CNBD1: variants seen among roughly 807,000 people sequenced by gnomAD.
CNBD1 encodes cyclic nucleotide binding domain containing 1.
CNBD1 carries 71 observed loss-of-function variants against 54.4 expected under a neutral mutation model. The observed-to-expected ratio is 1.30, with a 90% CI of 1.08 to 1.59. The LOEUF is 1.59. Ranked by LOEUF, CNBD1 falls within the 40% of genes most tolerant of loss-of-function variation. The pLI is 0.00. For synonymous variants in CNBD1, 182 were observed against 170.7 expected, an observed-to-expected ratio of 1.07 and a Z score of -0.51; for missense variants, 659 against 518.0, an observed-to-expected ratio of 1.27 and a Z score of -2.64.
intron 4 of CNBD1, among the ~76,000 whole-genome samples, chr8:87,123,627 C>T (rs995627029): frequency 6.6e-6 from 1 of 151,486 alleles, no homozygotes; most frequent in Middle Eastern, 3.4e-3. Flanking sequence ...GATGAAAAAA[C>T]CAAGTCCATA....
At chr8:87,140,151 C>G (rs890105439) in intron 4 of CNBD1, among the ~76,000 whole-genome samples, 5 of 152,042 alleles carry the variant, frequency 3.3e-5, no homozygotes, top group African/African-American at 9.7e-5. Flanking sequence ...CATTTATTGC[C>G]AACAACATGT....
chr8:87,163,933 G>A lies in CNBD1; in HGVS notation c.432-42060G>A, dbSNP rs959999528. ...TGAGTCTAAAGTTAGAGGTGGTCCT[G>A]TGATATATGGTCTTTATTGTATTGA... On this transcript the variant is annotated intron_variant, in intron 4 of 10. Transcript: ENST00000518476. The surrounding 1 kb of genome is among the most constrained non-coding windows in gnomAD (Gnocchi z 4.5). 4.0e-5 allele frequency among the ~76,000 whole-genome samples: 6 copies of A among 151,864 alleles called. No homozygotes were observed. Among genetic ancestry groups the A allele is most frequent in the African/African-American group, 1.4e-4 (6 of 41,412 alleles).
intron 4 of CNBD1, among the ~76,000 whole-genome samples, chr8:87,000,805 A>G (rs1253170026): frequency 1.3e-5 from 2 of 151,850 alleles, no homozygotes; most frequent in African/African-American, 4.8e-5. Context: ...CACCCTAGCT[A>G]TTTCTCTCCT....
chr8:87,101,415 C>T (rs954871352), intron 4 of CNBD1, among the ~76,000 whole-genome samples: 1 of 151,542 alleles, frequency 6.6e-6, no homozygotes, highest in African/African-American at 2.4e-5. Context: ...TATAAAAGAG[C>T]CAATATCTGA....
In CNBD1 at chr8:87,356,555, C is replaced by G. The variant is rs188108245; in HGVS notation, c.1303+2769C>G. On this transcript the variant is annotated intron_variant, in intron 10 of 10. Transcript: ENST00000518476. The stretch of plus-strand genomic sequence containing the variant: ...GTATCTGGTGGAAGAAATTTCTAAG[C>G]AGCAAAACATTCAAGAATTAGTGTG... Among the ~76,000 whole-genome samples the G allele has an allele frequency of 9.7e-4, 148 of 152,224 alleles. 1 individual carries two copies. Among genetic ancestry groups the G allele is most frequent in the African/African-American group, 3.4e-3 (140 of 41,542 alleles).
intron 4 of CNBD1, among the ~76,000 whole-genome samples, chr8:87,173,035 G>A (rs75993047): frequency 0.019 from 2,894 of 151,670 alleles, 90 homozygotes; most frequent in African/African-American, 0.066. Context: ...TTGTGTATTT[G>A]TTGTATATTT....
intron 2 of CNBD1, among the ~76,000 whole-genome samples, chr8:87,392,837 A>AT (rs1286939215): frequency 6.6e-6 from 1 of 151,986 alleles, no homozygotes; most frequent in Admixed American, 6.6e-5. Flanking sequence ...AAAGCAGTTA[A>AT]TATTTTTTCT....
chr8:87,361,341 T>G (rs1182690622), intron 10 of CNBD1, among the ~76,000 whole-genome samples: 2 of 151,836 alleles, frequency 1.3e-5, no homozygotes, highest in Non-Finnish European at 2.9e-5. Context: ...GCTAATATCT[T>G]TAATGATAAA....
intron 4 of CNBD1, among the ~76,000 whole-genome samples, chr8:87,176,881 C>T (rs1333935957): frequency 2.6e-4 from 39 of 152,014 alleles, no homozygotes; most frequent in Admixed American, 2.6e-3. Context: ...TAACTATAAA[C>T]AATAGTCATT....
At chr8:87,395,932 C>T (rs985417307) in intron 2 of CNBD1, among the ~76,000 whole-genome samples, 2 of 151,834 alleles carry the variant, frequency 1.3e-5, no homozygotes, top group Admixed American at 6.6e-5. Context: ...TCCTTACTGC[C>T]GCCATGTGAA....
intron 4 of CNBD1, among the ~76,000 whole-genome samples, chr8:87,128,479 C>T (rs1212703809): frequency 6.6e-5 from 10 of 152,156 alleles, no homozygotes; most frequent in South Asian, 6.2e-4. Flanking sequence ...CTGTGAGGGA[C>T]GTCAGGGAAC....
chr8:87,326,984 T>G (rs1389796396), intron 8 of CNBD1, among the ~76,000 whole-genome samples: 2 of 140,954 alleles, frequency 1.4e-5, no homozygotes, highest in African/African-American at 5.3e-5. Context: ...GGGTTTTTGG[T>G]GTGGATGTCC....
At chr8:87,273,769 AG>A (rs1808416227) in intron 6 of CNBD1, among the ~76,000 whole-genome samples, 2 of 151,948 alleles carry the variant, frequency 1.3e-5, no homozygotes, top group East Asian at 1.9e-4. Flanking sequence ...TTGACAAATA[AG>A]TTTTTTTTTA....
intron 4 of CNBD1, among the ~76,000 whole-genome samples, chr8:87,073,554 G>T (rs746160230): frequency 6.6e-6 from 1 of 152,108 alleles, no homozygotes. Context: ...TCAGGCCATT[G>T]TTCCATAGGG....
At chr8:87,304,394 C>T (rs919270513) in intron 8 of CNBD1, among the ~76,000 whole-genome samples, 1 of 151,972 alleles carries the variant, frequency 6.6e-6, no homozygotes, top group African/African-American at 2.4e-5. Flanking sequence ...GGACAAAAAA[C>T]CAAACACTGC....
chr8:87,179,755 A>G (rs891100212), intron 4 of CNBD1, among the ~76,000 whole-genome samples: 2 of 152,220 alleles, frequency 1.3e-5, no homozygotes, highest in African/African-American at 2.4e-5. Context: ...ACAGATTGCA[A>G]CATATAGGCT....
rs925238769 is a variant in CNBD1, at chr8:86,968,096, G to A, written c.431+28342G>A. 5.3e-5 allele frequency among the ~76,000 whole-genome samples: 8 copies of A among 152,204 alleles called. No individual in the cohort carries two copies. In the East Asian group the frequency reaches 1.5e-3, roughly 29 times the overall value. On this transcript the variant is annotated intron_variant, in intron 4 of 10. Transcript: ENST00000518476. Reference sequence around the variant, plus strand: ...AATGGCTAGAGTGGGTTGAAGTTGAGCATTTGCCTTCCTCCTGGTGGATTT... The same window carrying A: ...AATGGCTAGAGTGGGTTGAAGTTGAACATTTGCCTTCCTCCTGGTGGATTT...
chr8:87,133,253 T>C (rs1014739157), intron 4 of CNBD1, among the ~76,000 whole-genome samples: 1 of 152,312 alleles, frequency 6.6e-6, no homozygotes, highest in Admixed American at 6.5e-5. Flanking sequence ...TTTCAATGTA[T>C]GTTGTCTTTT....
chr8:87,140,652 T>A (rs1015188058), intron 4 of CNBD1, among the ~76,000 whole-genome samples: 7 of 152,294 alleles, frequency 4.6e-5, no homozygotes, highest in African/African-American at 1.4e-4. Flanking sequence ...GAAGGCATTG[T>A]GTTATAAATT....
Sources: allele counts gnomAD v4.1 joint callset (sites outside exome capture counted in the v4.1 genomes callset), GRCh38; gene constraint gnomAD v4.1.1; non-coding constraint Gnocchi (gnomAD v3.1); transcripts MANE v1.5; gene names NCBI Gene and HGNC (gene_info 2026-07-23, HGNC 2026-07-21).